The following ADARB1 variants were observed in gnomAD, a reference collection of about 807,000 sequenced individuals.
ADARB1 encodes the protein adenosine deaminase RNA specific B1.
A neutral mutation model predicts 52.4 loss-of-function variants in ADARB1; 10 were observed. The observed-to-expected ratio is 0.19, with a 90% CI of 0.12 to 0.32. ADARB1 has a LOEUF of 0.32. ADARB1 is among the 10% of genes least tolerant of loss of function. The pLI, the probability that ADARB1 is intolerant of heterozygous loss-of-function variation, is 1.00. For missense variants in ADARB1, 643 were observed against 922.3 expected (o/e 0.70, Z 3.92); for synonymous variants, 349 against 371.1 (o/e 0.94, Z 0.68).
Position 45,204,484 on chromosome 21 carries a change from G to A in ADARB1, c.1566-71G>A, listed in dbSNP as rs973955842. 10 of 1,495,030 alleles carry A rather than the reference G, an allele frequency of 6.7e-6. No homozygotes were observed. The highest frequency in any genetic ancestry group is 2.1e-4 in the Middle Eastern group (1 of 4,732). 92.6% of individuals were successfully genotyped at this position (1,495,030 alleles called of 1,614,324 possible). ...ATTGCCAGTGCATCCCTGTAACCAC[G>A]CAGGCTTGGGCTGGGCTGCGTCGAC... On this transcript the variant is annotated intron_variant, in intron 8 of 10. Transcript: ENST00000348831. The surrounding 1 kb of genome is among the most constrained non-coding windows in gnomAD (Gnocchi z 4.4).
In ADARB1 at chr21:45,224,579, GCA is replaced by G. The variant is rs2093027254; in HGVS notation, c.*2383_*2384del. 38 of 388,770 alleles carry G rather than the reference GCA, an allele frequency of 9.8e-5. No homozygotes were observed. The highest frequency in any genetic ancestry group is 4.3e-4 in the Admixed American group (1 of 2,332). The allele number at this position is 388,770 out of a possible 1,614,324, so 24.1% of individuals were successfully genotyped here. Reference sequence around the variant, plus strand: ...GGGAACTGGGTTCGGGGTGCCCTGGGCAGGGGGCTACTGGGGGGCGGCTGTGA... The same window carrying G: ...GGGAACTGGGTTCGGGGTGCCCTGGGGGGGGCTACTGGGGGGCGGCTGTGA... On this transcript the variant is annotated 3_prime_UTR_variant, in exon 11 of 11. Transcript: ENST00000348831.
intron 8 of ADARB1, among the ~76,000 whole-genome samples, chr21:45,187,075 G>C (rs1276384214): frequency 6.6e-6 from 1 of 152,150 alleles, no homozygotes. Flanking sequence ...TCGTTATTTT[G>C]ATAGGGATTA....
chr21:45,195,188 C>T (rs937343258), intron 8 of ADARB1, among the ~76,000 whole-genome samples: 9 of 152,078 alleles, frequency 5.9e-5, no homozygotes, highest in African/African-American at 2.2e-4. Flanking sequence ...TGTTTATTTG[C>T]CATCTGTATA....
At chr21:45,116,670 TCA>T (rs1306576048) in intron 1 of ADARB1, among the ~76,000 whole-genome samples, 2 of 152,166 alleles carry the variant, frequency 1.3e-5, no homozygotes, top group African/African-American at 2.4e-5. Context: ...ACATCATTCT[TCA>T]CATGGCAACA....
intron 3 of ADARB1, among the ~76,000 whole-genome samples, chr21:45,173,420 G>A (rs2091567125): frequency 6.6e-6 from 1 of 152,132 alleles, no homozygotes; most frequent in Non-Finnish European, 1.5e-5. Context: ...GACAGTGAGA[G>A]TAGTATTTCA....
At chr21:45,190,793 A>C (rs1343203060) in intron 8 of ADARB1, among the ~76,000 whole-genome samples, 1 of 152,260 alleles carries the variant, frequency 6.6e-6, no homozygotes, top group African/African-American at 2.4e-5. Flanking sequence ...GACAGAAACC[A>C]GCCCTTTGGG....
chr21:45,113,398 G>T (rs929934201), intron 1 of ADARB1, among the ~76,000 whole-genome samples: 4 of 152,108 alleles, frequency 2.6e-5, no homozygotes, highest in Non-Finnish European at 4.4e-5. Context: ...ACTCCAGCCT[G>T]GGCGACAGAG....
rs915766941 is a variant in ADARB1 at position 45,200,064 on chromosome 21, A to G, written c.1566-4491A>G. Among the ~76,000 whole-genome samples, 1 of 152,226 alleles carries G rather than the reference A, an allele frequency of 6.6e-6. No individual in the cohort carries two copies. The highest frequency in any genetic ancestry group is 2.4e-5 in the African/African-American group (1 of 41,450). On this transcript the variant is annotated intron_variant, in intron 8 of 10. Transcript: ENST00000348831. The surrounding 1 kb of genome is among the most constrained non-coding windows in gnomAD (Gnocchi z 5.0). ...CCCGGAAAGAGCCCTGGTGGCCAAA[A>G]TGATGCCAGTTGGCTGCAGCTGTGT...
intron 2 of ADARB1, among the ~76,000 whole-genome samples, chr21:45,129,694 A>G (rs1441210583): frequency 6.6e-6 from 1 of 152,060 alleles, no homozygotes; most frequent in African/African-American, 2.4e-5. Context: ...GTGAGTGTGG[A>G]CAGATGGGAG....
intron 2 of ADARB1, among the ~76,000 whole-genome samples, chr21:45,146,900 GCTT>G (rs1197052494): frequency 3.9e-5 from 6 of 152,086 alleles, no homozygotes; most frequent in South Asian, 2.1e-4. Flanking sequence ...AAAAATTCTG[GCTT>G]CTTCTCCAGA....
At chr21:45,117,654 ATAT>A (rs2087908273) in intron 1 of ADARB1, among the ~76,000 whole-genome samples, 1 of 152,188 alleles carries the variant, frequency 6.6e-6, no homozygotes, top group Non-Finnish European at 1.5e-5. Flanking sequence ...TTACAAGAAC[ATAT>A]TATTCTGTCC....
chr21:45,211,150 G>A (rs1052423427), intron 9 of ADARB1, among the ~76,000 whole-genome samples: 4 of 152,224 alleles, frequency 2.6e-5, no homozygotes, highest in African/African-American at 9.7e-5. Flanking sequence ...GGAAGGGTCA[G>A]GAGAACCCAG....
At chr21:45,143,961 C>G (rs1390189427) in intron 2 of ADARB1, among the ~76,000 whole-genome samples, 1 of 151,582 alleles carries the variant, frequency 6.6e-6, no homozygotes, top group Non-Finnish European at 1.5e-5. Flanking sequence ...CTTTTTTTTT[C>G]CTTATTAGAA....
intron 8 of ADARB1, among the ~76,000 whole-genome samples, chr21:45,185,542 GCA>G: frequency 6.6e-6 from 1 of 152,274 alleles, no homozygotes; most frequent in South Asian, 2.1e-4. Flanking sequence ...TGTGTTCTAA[GCA>G]CAGAGAGCAT....
chr21:45,084,279 G>A (rs1224825907), intron 1 of ADARB1, among the ~76,000 whole-genome samples: 1 of 152,202 alleles, frequency 6.6e-6, no homozygotes, highest in Non-Finnish European at 1.5e-5. Flanking sequence ...GTGTAGTCCT[G>A]TCTAATGGTA....
chr21:45,127,951 G>C (rs2088694135), intron 1 of ADARB1, among the ~76,000 whole-genome samples: 1 of 152,250 alleles, frequency 6.6e-6, no homozygotes, highest in African/African-American at 2.4e-5. Context: ...TGCTTCAGAA[G>C]CAGAGGTGGC....
At position 45,200,316 on chromosome 21, in the gene ADARB1, G is replaced by A. The variant is rs778862314; in HGVS notation, c.1566-4239G>A. The stretch of plus-strand genomic sequence containing the variant: ...TTGGCGGTGAATGCAGCCCCAGAGA[G>A]TTGTCCACAAGACCATGGGGTGAGA... On this transcript the variant is annotated intron_variant, in intron 8 of 10. Transcript: ENST00000348831. The surrounding 1 kb of genome is among the most constrained non-coding windows in gnomAD (Gnocchi z 5.0). 5.9e-5 allele frequency among the ~76,000 whole-genome samples: 9 copies of A among 152,350 alleles called. No homozygotes were observed. Among genetic ancestry groups the A allele is most frequent in the Non-Finnish European group, 1.0e-4 (7 of 68,032 alleles).
chr21:45,151,429 A>G (rs938212323), intron 2 of ADARB1, among the ~76,000 whole-genome samples: 1 of 152,248 alleles, frequency 6.6e-6, no homozygotes, highest in African/African-American at 2.4e-5. Context: ...CATTATTAGG[A>G]AAAGGTACTT....
intron 1 of ADARB1, among the ~76,000 whole-genome samples, chr21:45,088,585 C>T (rs2086437128): frequency 6.6e-6 from 1 of 152,162 alleles, no homozygotes; most frequent in Non-Finnish European, 1.5e-5. Flanking sequence ...TAGAAAATCG[C>T]CTTCAGGCGG....
Sources: allele counts gnomAD v4.1 joint callset (sites outside exome capture counted in the v4.1 genomes callset), GRCh38; gene constraint gnomAD v4.1.1; non-coding constraint Gnocchi (gnomAD v3.1); transcripts MANE v1.5; gene names NCBI Gene and HGNC (gene_info 2026-07-23, HGNC 2026-07-21).